KIAA1217: variants seen among roughly 807,000 people sequenced by gnomAD.
KIAA1217 encodes KIAA1217.
KIAA1217 carries 88 observed loss-of-function variants against 163.9 expected under a neutral mutation model. The ratio of observed to expected loss-of-function variants is 0.54; its 90% CI spans 0.45 to 0.64. The LOEUF (loss-of-function observed/expected upper bound fraction) is 0.64, where lower values mean the gene tolerates loss of function less well. KIAA1217 is among the 30% of genes least tolerant of loss of function. KIAA1217 has a pLI of 0.00. For missense variants in KIAA1217, 2,372 were observed against 2,475.0 expected, an observed-to-expected ratio of 0.96 and a Z score of 0.88; for synonymous variants, 903 against 923.1, an observed-to-expected ratio of 0.98 and a Z score of 0.39.
At chr10:24,477,426 T>A (rs1418404386) in intron 6 of KIAA1217, among the ~76,000 whole-genome samples, 1 of 152,218 alleles carries the variant, frequency 6.6e-6, no homozygotes, top group Non-Finnish European at 1.5e-5. Flanking sequence ...TCCAGGACTA[T>A]TAAAGAATTC....
At chr10:24,501,568 T>A (rs779920454) in intron 9 of KIAA1217, 23 bp downstream of exon 9, 2 of 1,601,654 alleles carry the variant, frequency 1.2e-6, no homozygotes, top group Admixed American at 1.7e-5. Flanking sequence ...CACGGCGGCC[T>A]CTGTCTCGGT....
chr10:24,320,135 T>C lies in KIAA1217; in HGVS notation c.355-60734T>C, dbSNP rs139540640. Among the ~76,000 whole-genome samples the C allele has an allele frequency of 2.4e-3, 366 of 152,318 alleles. 1 individual carries two copies. Among genetic ancestry groups the C allele is most frequent in the African/African-American group, 8.3e-3 (347 of 41,584 alleles). ...CTTTGGCATCTATTAAATTTTTATT[T>C]TGAAGAAAAAATAAAGGACAAGGAA... On this transcript the variant is annotated intron_variant, in intron 2 of 20. Transcript: ENST00000376454.
At chr10:24,457,444 G>A (rs1391387506) in intron 5 of KIAA1217, among the ~76,000 whole-genome samples, 1 of 151,240 alleles carries the variant, frequency 6.6e-6, no homozygotes, top group Non-Finnish European at 1.5e-5. Context: ...TATAATCATA[G>A]CTGGAGTGCA....
intron 1 of KIAA1217, among the ~76,000 whole-genome samples, chr10:23,968,715 A>T (rs77737983): frequency 0.028 from 4,197 of 152,346 alleles, 73 homozygotes; most frequent in Middle Eastern, 0.12. Flanking sequence ...ATACAAATAG[A>T]ACTATACAAT....
chr10:24,540,495 G>A (rs973932605), intron 17 of KIAA1217, among the ~76,000 whole-genome samples: 2 of 152,116 alleles, frequency 1.3e-5, no homozygotes, highest in Non-Finnish European at 2.9e-5. Context: ...ACCTCCCAAA[G>A]TGCTGGGATT....
At chr10:23,747,447 G>A (rs953597481) in intron 1 of KIAA1217, among the ~76,000 whole-genome samples, 4 of 152,048 alleles carry the variant, frequency 2.6e-5, no homozygotes, top group South Asian at 2.1e-4. Context: ...CTGTATCTTT[G>A]GTGTAAGTCC....
chr10:24,493,956 G>A (rs1291668333), intron 6 of KIAA1217, among the ~76,000 whole-genome samples: 12 of 152,084 alleles, frequency 7.9e-5, no homozygotes, highest in Admixed American at 6.5e-4. Context: ...CACCGCGCCC[G>A]GCCGGGTTTC....
chr10:23,985,653 A>G (rs901387520), intron 1 of KIAA1217, among the ~76,000 whole-genome samples: 1 of 152,178 alleles, frequency 6.6e-6, no homozygotes, highest in Non-Finnish European at 1.5e-5. Flanking sequence ...TCGATATTCA[A>G]TGCATAACAA....
At chr10:23,732,642 T>C (rs1311437041) in intron 1 of KIAA1217, among the ~76,000 whole-genome samples, 1 of 152,180 alleles carries the variant, frequency 6.6e-6, no homozygotes, top group Non-Finnish European at 1.5e-5. Context: ...TCCAATTTCA[T>C]TGATGTCTCT....
chr10:24,249,227 G>A (rs1244335351), intron 2 of KIAA1217, among the ~76,000 whole-genome samples: 1 of 152,090 alleles, frequency 6.6e-6, no homozygotes, highest in Non-Finnish European at 1.5e-5. Flanking sequence ...GCAAATATTT[G>A]CAAAAGGGAA....
At chr10:24,049,206 G>C (rs1377981450) in intron 2 of KIAA1217, among the ~76,000 whole-genome samples, 3 of 152,034 alleles carry the variant, frequency 2.0e-5, no homozygotes, top group Non-Finnish European at 4.4e-5. Context: ...TCTCTGAGCT[G>C]ATCTGTAGTT....
chr10:24,274,451 TG>T (rs2077069529), intron 2 of KIAA1217, among the ~76,000 whole-genome samples: 3 of 152,124 alleles, frequency 2.0e-5, no homozygotes, highest in Non-Finnish European at 4.4e-5. Flanking sequence ...TTCTCACATC[TG>T]CAAAAAAAGT....
At chr10:23,867,081 T>C (rs1020357389) in intron 1 of KIAA1217, among the ~76,000 whole-genome samples, 2 of 148,064 alleles carry the variant, frequency 1.4e-5, no homozygotes, top group African/African-American at 5.0e-5. Context: ...TTCCCACCTA[T>C]GAGTGAGAAT....
intron 1 of KIAA1217, among the ~76,000 whole-genome samples, chr10:23,784,448 A>G (rs765838189): frequency 4.6e-5 from 7 of 152,244 alleles, no homozygotes; most frequent in South Asian, 4.1e-4. Context: ...GTAATTGCTG[A>G]TAAGTAAAGA....
intron 1 of KIAA1217, among the ~76,000 whole-genome samples, chr10:24,001,170 A>C (rs555137184): frequency 6.6e-6 from 1 of 152,318 alleles, no homozygotes; most frequent in African/African-American, 2.4e-5. Context: ...AATATGGCTC[A>C]TCTTACATAA....
chr10:24,546,047 C>T lies in KIAA1217; in HGVS notation c.5555C>T (p.Ser1852Phe). ...ACAGGACCACCTGCTCACTCTGCCT[C>T]CCTCATCCCTTCTGTCTCTAATGGC... Reference protein sequence around the residue: ...PQTGPPAHSASLIPSVSNGSL... With the variant: ...PQTGPPAHSAFLIPSVSNGSL... The change falls in exon 21 of 21, where the codon TCC (serine) becomes TTC (phenylalanine). Residue 1852 changes from serine (S) to phenylalanine (F), a missense_variant. Around this residue, in one of 3 missense-constraint regions of KIAA1217, gnomAD observed 690 missense variants for 677.5 expected, o/e 1.02. Coordinates refer to ENST00000376454, the MANE Select transcript of KIAA1217 (RefSeq NM_019590.5). 6.2e-7 allele frequency: 1 copy of T among 1,614,226 alleles called. No individual in the cohort carries two copies. Among genetic ancestry groups the T allele is most frequent in the South Asian group, 1.1e-5 (1 of 91,086 alleles).
At chr10:24,427,132 G>C (rs1174530503) in intron 3 of KIAA1217, among the ~76,000 whole-genome samples, 2 of 152,010 alleles carry the variant, frequency 1.3e-5, no homozygotes, top group African/African-American at 4.8e-5. Context: ...GCTTCTCAGG[G>C]GGACACTGAG....
intron 1 of KIAA1217, among the ~76,000 whole-genome samples, chr10:23,869,071 T>C (rs1840327028): frequency 6.6e-6 from 1 of 151,328 alleles, no homozygotes; most frequent in Non-Finnish European, 1.5e-5. Context: ...TATAAATGTG[T>C]TTTCAGTCCA....
At chr10:24,351,491 C>G (rs2048455764) in intron 2 of KIAA1217, among the ~76,000 whole-genome samples, 1 of 152,102 alleles carries the variant, frequency 6.6e-6, no homozygotes, top group Non-Finnish European at 1.5e-5. Context: ...CATGCTGAAT[C>G]CTGCTACCCA....
Sources: gnomAD v4.1 joint callset for allele counts (sites outside exome capture counted in the v4.1 genomes callset) on GRCh38, gnomAD v4.1.1 for gene constraint, gnomAD v4.1.1 regional missense constraint, MANE v1.5 for transcripts, NCBI Gene and HGNC (gene_info 2026-07-23, HGNC 2026-07-21) for gene names.